PLEKHA5: variants seen among roughly 807,000 people sequenced by gnomAD.
The protein encoded by PLEKHA5 is pleckstrin homology domain-containing family A member 5.
A neutral mutation model predicts 181.9 loss-of-function variants in PLEKHA5; 55 were observed. The ratio of observed to expected loss-of-function variants is 0.30; its 90% CI spans 0.24 to 0.38. The LOEUF is 0.38. Ranked by LOEUF, PLEKHA5 falls within the 10% of genes least tolerant of loss-of-function variation. The pLI is 1.00. For synonymous variants in PLEKHA5, 535 were observed against 529.4 expected, an observed-to-expected ratio of 1.01 and a Z score of -0.15; for missense variants, 1,432 against 1,549.5, an observed-to-expected ratio of 0.92 and a Z score of 1.27.
intron 25 of PLEKHA5, among the ~76,000 whole-genome samples, chr12:19,351,732 A>G (rs1174182787): frequency 6.6e-6 from 1 of 152,186 alleles, no homozygotes; most frequent in African/African-American, 2.4e-5. Flanking sequence ...AAATCTAAAT[A>G]CATTGGCAAT....
rs189641400 is a variant in PLEKHA5, at chr12:19,294,991, T to C, written c.2037+3294T>C. 2.0e-3 allele frequency among the ~76,000 whole-genome samples: 308 copies of C among 152,354 alleles called. 1 individual carries two copies. The highest frequency in any genetic ancestry group is 3.7e-3 in the Non-Finnish European group (252 of 68,024). ...TTTTGTTTCATCATTAAGTACACTA[T>C]TACAGTTTGTTTATGCTTCCATAGC... On this transcript the variant is annotated intron_variant, in intron 15 of 31. Transcript: ENST00000429027.
chr12:19,313,831 AAG>A (rs1363961414), intron 15 of PLEKHA5, among the ~76,000 whole-genome samples: 2 of 152,122 alleles, frequency 1.3e-5, no homozygotes, highest in African/African-American at 2.4e-5. Context: ...TGTCTAGAAA[AAG>A]AGTTTTAAGA....
chr12:19,299,351 G>A (rs2080813206), intron 15 of PLEKHA5, among the ~76,000 whole-genome samples: 1 of 152,178 alleles, frequency 6.6e-6, no homozygotes, highest in South Asian at 2.1e-4. Context: ...TTGCTCAGGA[G>A]AACAAAGGCT....
intron 3 of PLEKHA5, among the ~76,000 whole-genome samples, chr12:19,156,782 C>T (rs1219553609): frequency 1.3e-5 from 2 of 151,724 alleles, no homozygotes; most frequent in African/African-American, 2.4e-5. Context: ...CGGTGGCTCA[C>T]GCCTGTAGTC....
intron 3 of PLEKHA5, among the ~76,000 whole-genome samples, chr12:19,149,038 A>G (rs1409453219): frequency 6.6e-6 from 1 of 152,156 alleles, no homozygotes; most frequent in Admixed American, 6.5e-5. Flanking sequence ...TGTATATAAC[A>G]CTTCCTTTCT....
At chr12:19,311,830 A>G (rs984423116) in intron 15 of PLEKHA5, among the ~76,000 whole-genome samples, 11 of 152,150 alleles carry the variant, frequency 7.2e-5, no homozygotes, top group African/African-American at 2.2e-4. Flanking sequence ...TTAAATCACA[A>G]ATATCTAGTA....
chr12:19,363,710 T>G (rs2095336118), intron 29 of PLEKHA5, among the ~76,000 whole-genome samples: 1 of 151,896 alleles, frequency 6.6e-6, no homozygotes, highest in Non-Finnish European at 1.5e-5. Context: ...CAGGCTGGCC[T>G]CAAATTCCTG....
At chr12:19,335,426 T>A (rs1452941150) in intron 20 of PLEKHA5, among the ~76,000 whole-genome samples, 36 of 151,200 alleles carry the variant, frequency 2.4e-4, no homozygotes, top group South Asian at 4.2e-4. Context: ...TTATTTATTT[T>A]TTTTTTTGAG....
intron 3 of PLEKHA5, among the ~76,000 whole-genome samples, chr12:19,165,949 T>A (rs1031707277): frequency 6.6e-6 from 1 of 152,200 alleles, no homozygotes; most frequent in African/African-American, 2.4e-5. Flanking sequence ...GAACCTTGTT[T>A]TCCTCCTTGT....
Position 19,280,036 on chromosome 12 carries a change from G to GTT in PLEKHA5, c.1314-3216_1314-3215dup, listed in dbSNP as rs869050795. On this transcript the variant is annotated intron_variant, in intron 11 of 31. Coordinates refer to ENST00000429027, the MANE Select transcript of PLEKHA5 (RefSeq NM_001256470.2). ...CACTTAATTCATCACAATGAAACCT[G>GTT]TTTTTTTTTTTTTTTTTTTTTTTTT... is the stretch of plus-strand genomic sequence containing the variant. Among the ~76,000 whole-genome samples the GTT allele has an allele frequency of 9.4e-4, 51 of 54,502 alleles. 7 individuals are homozygous for GTT. The highest frequency in any genetic ancestry group is 4.9e-3 in the East Asian group (8 of 1,628). 35.8% of individuals were successfully genotyped at this position (54,502 alleles called of 152,430 possible).
intron 15 of PLEKHA5, among the ~76,000 whole-genome samples, chr12:19,298,866 T>C (rs147905063): frequency 7.2e-4 from 110 of 152,346 alleles, no homozygotes; most frequent in African/African-American, 2.6e-3. Context: ...TACTATTTGC[T>C]TAGACTAGGA....
intron 28 of PLEKHA5, among the ~76,000 whole-genome samples, chr12:19,360,284 C>T (rs989724632): frequency 6.9e-6 from 1 of 144,140 alleles, no homozygotes; most frequent in Non-Finnish European, 1.5e-5. Flanking sequence ...AGATGGGCCA[C>T]AGAGTGAGAT....
At chr12:19,150,474 C>G (rs924923396) in intron 3 of PLEKHA5, 1 of 152,204 alleles carries the variant, frequency 6.6e-6, no homozygotes, top group Non-Finnish European at 1.5e-5. Flanking sequence ...GCACTTATCA[C>G]TGGTTAAAAT....
At chr12:19,276,245 T>C (rs1238284746) in intron 11 of PLEKHA5, among the ~76,000 whole-genome samples, 2 of 152,098 alleles carry the variant, frequency 1.3e-5, no homozygotes, top group African/African-American at 4.8e-5. Context: ...AGATTCAGAT[T>C]GGTGTCTCAG....
At chr12:19,230,538 CA>C (rs1458921955) in intron 3 of PLEKHA5, among the ~76,000 whole-genome samples, 4 of 152,198 alleles carry the variant, frequency 2.6e-5, no homozygotes, top group Admixed American at 2.6e-4. Context: ...AGAATTTGAG[CA>C]CGGTGCGGGT....
At chr12:19,322,418 A>G (rs1250304049) in intron 19 of PLEKHA5, 28 bp downstream of exon 19, 2 of 1,579,626 alleles carry the variant, frequency 1.3e-6, no homozygotes, top group Non-Finnish European at 8.7e-7. Flanking sequence ...ATTGTCTACA[A>G]TTGATGTTAC....
At chr12:19,327,958 A>T (rs186073613) in intron 20 of PLEKHA5, among the ~76,000 whole-genome samples, 213 of 152,164 alleles carry the variant, frequency 1.4e-3, no homozygotes, top group Middle Eastern at 3.4e-3. Flanking sequence ...GGATTCTTAT[A>T]GTTTGAGGCC....
At chr12:19,248,301 G>A (rs2064308526) in intron 3 of PLEKHA5, among the ~76,000 whole-genome samples, 1 of 152,154 alleles carries the variant, frequency 6.6e-6, no homozygotes, top group South Asian at 2.1e-4. Flanking sequence ...GGGGTCAAGC[G>A]ATTCTCATGC....
At chr12:19,155,682 T>G (rs1056784627) in intron 3 of PLEKHA5, among the ~76,000 whole-genome samples, 1 of 152,212 alleles carries the variant, frequency 6.6e-6, no homozygotes, top group African/African-American at 2.4e-5. Context: ...TGCACTAAGA[T>G]TACAAGGGCC....
Sources: gnomAD v4.1 joint callset for allele counts (sites outside exome capture counted in the v4.1 genomes callset) on GRCh38, gnomAD v4.1.1 for gene constraint, MANE v1.5 for transcripts, NCBI Gene and HGNC (gene_info 2026-07-23, HGNC 2026-07-21) for gene names.